ROBO2: variants seen among roughly 807,000 people sequenced by gnomAD.
ROBO2 encodes roundabout guidance receptor 2, also known as roundabout homolog 2.
Under a neutral mutation model 160.8 loss-of-function variants are expected in ROBO2, and 53 were observed. That is an observed-to-expected ratio of 0.33 (90% CI 0.26 to 0.41). The LOEUF (loss-of-function observed/expected upper bound fraction) is 0.41, where lower values mean the gene tolerates loss of function less well. ROBO2 is among the 10% of genes least tolerant of loss of function. The pLI is 1.00. For missense variants in ROBO2, 1,577 were observed against 1,722.4 expected, an observed-to-expected ratio of 0.92 and a Z score of 1.49; for synonymous variants, 664 against 611.7, an observed-to-expected ratio of 1.09 and a Z score of -1.26.
At chr3:77,465,772 T>A (rs2082703473) in intron 2 of ROBO2, among the ~76,000 whole-genome samples, 1 of 152,170 alleles carries the variant, frequency 6.6e-6, no homozygotes, top group Non-Finnish European at 1.5e-5. Context: ...TCAGTATCTG[T>A]TGTTTGATAT....
At chr3:77,615,782 A>G (rs2153701761) in intron 21 of ROBO2, among the ~76,000 whole-genome samples, 1 of 152,314 alleles carries the variant, frequency 6.6e-6, no homozygotes, top group South Asian at 2.1e-4. Flanking sequence ...AGTATGAATA[A>G]CACCAATAAA....
chr3:77,468,753 A>G (rs1027856955), intron 2 of ROBO2, among the ~76,000 whole-genome samples: 5 of 152,228 alleles, frequency 3.3e-5, no homozygotes, highest in African/African-American at 1.2e-4. Context: ...TGTTTATTCA[A>G]CATGCTCCAA....
rs552548083 is a variant in ROBO2 at position 76,684,584 on chromosome 3, T to C, written c.110-413430T>C. On this transcript the variant is annotated intron_variant, in intron 2 of 26. Transcript: ENST00000487694. ...TTATTTCTATATTAATTTTACATTA[T>C]AGTAAGAGTTTACATCAATGCATAA... Among the ~76,000 whole-genome samples the C allele has an allele frequency of 7.8e-4, 119 of 152,282 alleles. 2 individuals carry two copies. The highest frequency in any genetic ancestry group is 2.8e-3 in the African/African-American group (115 of 41,576).
intron 2 of ROBO2, among the ~76,000 whole-genome samples, chr3:76,688,966 C>T (rs2092742166): frequency 6.6e-6 from 1 of 151,916 alleles, no homozygotes; most frequent in Admixed American, 6.6e-5. Context: ...TGAATCATTG[C>T]TTACCTTGGT....
chr3:77,449,264 G>A (rs1406551101), intron 2 of ROBO2, among the ~76,000 whole-genome samples: 1 of 152,106 alleles, frequency 6.6e-6, no homozygotes, highest in Non-Finnish European at 1.5e-5. Flanking sequence ...TAAAGCAAAT[G>A]GTCATTCGGG....
chr3:76,442,265 C>T (rs1427509252), intron 2 of ROBO2, among the ~76,000 whole-genome samples: 3 of 152,114 alleles, frequency 2.0e-5, no homozygotes, highest in Non-Finnish European at 4.4e-5. Context: ...TGTTCATCTG[C>T]GTCAAAAACT....
chr3:76,535,870 A>C lies in ROBO2; in HGVS notation c.110-562144A>C, dbSNP rs535405283. Among the ~76,000 whole-genome samples, 2 of 152,306 alleles carry C rather than the reference A, an allele frequency of 1.3e-5. 1 individual carries two copies. The highest frequency in any genetic ancestry group is 4.1e-4 in the South Asian group (2 of 4,828). On this transcript the variant is annotated intron_variant, in intron 2 of 26. Transcript: ENST00000487694. Reference sequence around the variant, plus strand: ...AAGAGTTACCTGAAGCTCAGCATCCATGATGGTCCAGGGGGCTTCCGAGGT... The same window carrying C: ...AAGAGTTACCTGAAGCTCAGCATCCCTGATGGTCCAGGGGGCTTCCGAGGT...
intron 2 of ROBO2, among the ~76,000 whole-genome samples, chr3:77,337,477 C>A (rs979066680): frequency 5.3e-5 from 8 of 151,830 alleles, no homozygotes; most frequent in African/African-American, 1.9e-4. Flanking sequence ...TTTGATCCCT[C>A]AAAATTCATT....
chr3:77,364,630 A>T (rs2070559415), intron 2 of ROBO2, among the ~76,000 whole-genome samples: 1 of 151,828 alleles, frequency 6.6e-6, no homozygotes, highest in Non-Finnish European at 1.5e-5. Flanking sequence ...TTGGGCAAAT[A>T]GTTTCTCTAA....
chr3:76,961,096 C>T (rs2079613915), intron 2 of ROBO2, among the ~76,000 whole-genome samples: 1 of 151,846 alleles, frequency 6.6e-6, no homozygotes, highest in Non-Finnish European at 1.5e-5. Context: ...GGCCCATTTT[C>T]AATCAGATAA....
chr3:76,618,889 A>G (rs1376723192), intron 2 of ROBO2, among the ~76,000 whole-genome samples: 1 of 151,852 alleles, frequency 6.6e-6, no homozygotes, highest in African/African-American at 2.4e-5. Flanking sequence ...AGCCCACAAG[A>G]AAAACTAAAG....
At chr3:76,708,359 TGGCAGTA>T (rs1358020089) in intron 2 of ROBO2, among the ~76,000 whole-genome samples, 1 of 152,208 alleles carries the variant, frequency 6.6e-6, no homozygotes, top group Non-Finnish European at 1.5e-5. Context: ...CACAACGGTT[TGGCAGTA>T]GGAAAGAACA....
rs759749403 is a variant in ROBO2 at position 77,587,303 on chromosome 3, A to C, written c.2501-1448A>C. 2.0e-4 allele frequency among the ~76,000 whole-genome samples: 30 copies of C among 152,032 alleles called. 1 individual carries two copies. The highest frequency in any genetic ancestry group is 3.8e-4 in the Non-Finnish European group (26 of 67,996). The stretch of plus-strand genomic sequence containing the variant: ...TGTGCACTTTTTGTTCCTAGTTACC[A>C]CTGGCTAATGCTCAGTTACTTTTTT... On this transcript the variant is annotated intron_variant, in intron 16 of 25. Transcript: ENST00000461745.
chr3:76,067,791 C>T (rs1489099), intron 2 of ROBO2, among the ~76,000 whole-genome samples: 100,437 of 151,938 alleles, frequency 0.66, 33,810 homozygotes, highest in African/African-American at 0.79. Context: ...ATTAATGTTG[C>T]TTTAGGATTT....
chr3:77,234,724 T>A (rs539782064), intron 2 of ROBO2, among the ~76,000 whole-genome samples: 3 of 152,306 alleles, frequency 2.0e-5, no homozygotes, highest in African/African-American at 7.2e-5. Flanking sequence ...ATTCACTCTT[T>A]CTTGGCAAGT....
intron 2 of ROBO2, among the ~76,000 whole-genome samples, chr3:76,672,143 G>A (rs2092284949): frequency 6.6e-6 from 1 of 152,082 alleles, no homozygotes; most frequent in African/African-American, 2.4e-5. Context: ...GGGCCAGCCA[G>A]CTTCTAGCTT....
chr3:77,364,942 C>T (rs9842004), intron 2 of ROBO2, among the ~76,000 whole-genome samples: 61,634 of 151,652 alleles, frequency 0.41, 13,247 homozygotes, highest in East Asian at 0.71. Flanking sequence ...GTCAGGAGTT[C>T]GAGACCAGCC....
intron 2 of ROBO2, among the ~76,000 whole-genome samples, chr3:76,659,489 ATTCTGT>A (rs1372279265): frequency 6.6e-6 from 1 of 151,808 alleles, no homozygotes; most frequent in African/African-American, 2.4e-5. Flanking sequence ...ATTGCTCTGT[ATTCTGT>A]TGGCCTGTGA....
At chr3:77,030,336 T>TTG in intron 2 of ROBO2, among the ~76,000 whole-genome samples, 1 of 152,266 alleles carries the variant, frequency 6.6e-6, no homozygotes, top group East Asian at 1.9e-4. Flanking sequence ...ATGTATTTAT[T>TTG]TGTGTGTGTG....
Sources: allele counts gnomAD v4.1 joint callset (sites outside exome capture counted in the v4.1 genomes callset), GRCh38; gene constraint gnomAD v4.1.1; transcripts MANE v1.5; gene names NCBI Gene and HGNC (gene_info 2026-07-23, HGNC 2026-07-21).